FRMD4A: variants seen among roughly 807,000 people sequenced by gnomAD.
The protein encoded by FRMD4A is FERM domain containing 4A, also known as FERM domain-containing protein 4A.
In FRMD4A, 29 loss-of-function variants were observed where a neutral mutation model predicts 129.1. The ratio of observed to expected loss-of-function variants is 0.22; its 90% CI spans 0.17 to 0.31. The LOEUF is 0.31. FRMD4A is among the 10% of genes least tolerant of loss of function. The pLI is 1.00. For synonymous variants in FRMD4A, 634 were observed against 571.6 expected, an observed-to-expected ratio of 1.11 and a Z score of -1.56; for missense variants, 1,272 against 1,375.8, an observed-to-expected ratio of 0.92 and a Z score of 1.19.
intron 2 of FRMD4A, among the ~76,000 whole-genome samples, chr10:13,950,625 T>C (rs1006923852): frequency 6.6e-6 from 1 of 152,164 alleles, no homozygotes; most frequent in Admixed American, 6.6e-5. Context: ...CCTCTCTCTC[T>C]TCCACCCTCC....
intron 6 of FRMD4A, among the ~76,000 whole-genome samples, chr10:13,769,958 G>A (rs759261869): frequency 2.6e-5 from 4 of 152,128 alleles, no homozygotes; most frequent in Non-Finnish European, 5.9e-5. Flanking sequence ...CTTGCAGACA[G>A]CAGACTGTGG....
chr10:13,674,148 A>G (rs1264715718), intron 16 of FRMD4A, among the ~76,000 whole-genome samples: 1 of 152,208 alleles, frequency 6.6e-6, no homozygotes, highest in African/African-American at 2.4e-5. Context: ...ACAGGGTCTA[A>G]AGGTGACTAT....
intron 2 of FRMD4A, among the ~76,000 whole-genome samples, chr10:14,035,373 T>C (rs1189300949): frequency 6.6e-6 from 1 of 150,442 alleles, no homozygotes; most frequent in East Asian, 2.0e-4. Context: ...GATCACGCCA[T>C]TACACTCCAG....
intron 2 of FRMD4A, among the ~76,000 whole-genome samples, chr10:14,305,641 C>A (rs529144556): frequency 6.6e-6 from 1 of 152,024 alleles, no homozygotes; most frequent in Admixed American, 6.6e-5. Context: ...GAGAGTGAGA[C>A]TCTATAAAAA....
At chr10:14,203,433 A>T (rs138159004) in intron 2 of FRMD4A, among the ~76,000 whole-genome samples, 3 of 152,232 alleles carry the variant, frequency 2.0e-5, no homozygotes, top group African/African-American at 7.2e-5. Flanking sequence ...TCCAATGAAC[A>T]TTTGACTGAA....
chr10:14,128,895 C>A (rs981598699), intron 2 of FRMD4A, among the ~76,000 whole-genome samples: 1 of 152,106 alleles, frequency 6.6e-6, no homozygotes, highest in Non-Finnish European at 1.5e-5. Context: ...AAGTAAAGAA[C>A]CTGAAAAAAT....
intron 22 of FRMD4A, chr10:13,654,811 G>C: frequency 4.3e-6 from 2 of 460,484 alleles, no homozygotes; most frequent in Non-Finnish European, 7.6e-6. Flanking sequence ...GCCACCAGGA[G>C]GTAGGCATAG....
At chr10:14,032,696 G>T (rs1034484091) in intron 2 of FRMD4A, among the ~76,000 whole-genome samples, 3 of 152,190 alleles carry the variant, frequency 2.0e-5, no homozygotes, top group African/African-American at 7.2e-5. Flanking sequence ...GGTGTTCTGT[G>T]CCGTGTCCAC....
At chr10:13,970,022 C>A (rs1475922219) in intron 2 of FRMD4A, among the ~76,000 whole-genome samples, 1 of 152,160 alleles carries the variant, frequency 6.6e-6, no homozygotes, top group Non-Finnish European at 1.5e-5. Context: ...AGAAAAGCTT[C>A]AAATGGACAA....
chr10:13,747,416 A>C (rs1456762467), intron 9 of FRMD4A, among the ~76,000 whole-genome samples: 2 of 151,742 alleles, frequency 1.3e-5, no homozygotes, highest in Non-Finnish European at 2.9e-5. Flanking sequence ...GCGTGCCTGT[A>C]ATCCCAGCTA....
rs1014238680 is a variant in FRMD4A, at chr10:13,666,251, G to T, written c.1449C>A (p.Ala483=). 1 of 1,614,012 alleles carries T rather than the reference G, an allele frequency of 6.2e-7. No homozygotes were observed. The highest frequency in any genetic ancestry group is 1.3e-5 in the African/African-American group (1 of 74,916). Residue 483 remains alanine, a synonymous_variant, in exon 18 of 25, where the codon GCC becomes GCA. Transcript: ENST00000357447. The stretch of plus-strand genomic sequence containing the variant: ...GTTTTTTGCTGACGTTGGGGTCACT[G>T]GCTAGGCGGCGGGCGGCCTCCGTAA... ...SQITEAARRL[A]SDPNVSKKLK...
chr10:13,696,700 C>T (rs1044688636), intron 14 of FRMD4A, among the ~76,000 whole-genome samples: 5 of 151,992 alleles, frequency 3.3e-5, no homozygotes, highest in Admixed American at 2.0e-4. Context: ...GCTGAGATCA[C>T]GCCACTGCCT....
rs200763410 is a variant in FRMD4A, at chr10:13,693,935, C to T, written c.1080G>A (p.Lys360=). The change falls in exon 15 of 25, where the codon AAG becomes AAA. Residue 360 remains lysine (K), a synonymous_variant. Transcript: ENST00000357447. ...GGCTGCCGCTGCTGCCGCTGATGAT[C>T]TTCCCCTTGCTACCCATGTTGGCCA... ...SKLANMGSKG[K]IISGSSGSLL... is the part of the protein sequence containing the mutation. 1.0e-5 allele frequency: 16 copies of T among 1,606,412 alleles called. No individual in the cohort carries two copies. Among genetic ancestry groups the T allele is most frequent in the Non-Finnish European group, 1.4e-5 (16 of 1,177,444 alleles).
At position 13,928,016 on chromosome 10, in the gene FRMD4A, CTTTT is replaced by C. The variant is rs139350063; in HGVS notation, c.46-69108_46-69105del. 6.0e-3 allele frequency among the ~76,000 whole-genome samples: 681 copies of C among 112,992 alleles called. 2 individuals are homozygous for C. The highest frequency in any genetic ancestry group is 0.019 in the Middle Eastern group (4 of 216). 74.1% of individuals were successfully genotyped at this position (112,992 alleles called of 152,430 possible). On this transcript the variant is annotated intron_variant, in intron 2 of 24. Transcript: ENST00000357447. The stretch of plus-strand genomic sequence containing the variant: ...AAAAGGATAGTTATACTTAACATAC[CTTTT>C]TTTTTTTTTTTTTTTTCTGAGACAG...
rs77921771 is a variant in FRMD4A at position 13,702,019 on chromosome 10, A to G, written c.837-541T>C. On this transcript the variant is annotated intron_variant, in intron 13 of 24. Transcript: ENST00000357447. The stretch of plus-strand genomic sequence containing the variant: ...AGGGAGGGTATAAAGAATCAGGAGA[A>G]GAAAGGCAGAGAGAAATGTGCCCAG... 6.8e-3 allele frequency among the ~76,000 whole-genome samples: 1,034 copies of G among 152,324 alleles called. 13 individuals carry two copies. The highest frequency in any genetic ancestry group is 0.024 in the African/African-American group (989 of 41,560).
chr10:14,131,903 C>G (rs1839278871), intron 2 of FRMD4A, among the ~76,000 whole-genome samples: 1 of 152,152 alleles, frequency 6.6e-6, no homozygotes. Flanking sequence ...GCACCTCCAT[C>G]GCCCTGACCG....
intron 2 of FRMD4A, among the ~76,000 whole-genome samples, chr10:14,108,735 T>C (rs1837715215): frequency 6.6e-6 from 1 of 152,188 alleles, no homozygotes; most frequent in Admixed American, 6.5e-5. Context: ...ATCAATGATA[T>C]GCCCCTCATA....
chr10:13,658,151 AAAAAAAG>A (rs1390952607), intron 21 of FRMD4A, among the ~76,000 whole-genome samples: 1 of 150,926 alleles, frequency 6.6e-6, no homozygotes, highest in East Asian at 1.9e-4. Flanking sequence ...AAAAAAAAAA[AAAAAAAG>A]AAAACACAAA....
chr10:14,000,667 A>AAAAAAAAAAAAAAAAAAAAAAAAAAAAAG (rs200369296), intron 2 of FRMD4A, among the ~76,000 whole-genome samples: 1 of 106,826 alleles, frequency 9.4e-6, no homozygotes. Context: ...AAAAAAAAAA[A>AAAAAAAAAAAAAAAAAAAAAAAAAAAAAG]AGAGAAGAAA....
Sources: allele counts gnomAD v4.1 joint callset (sites outside exome capture counted in the v4.1 genomes callset), GRCh38; gene constraint gnomAD v4.1.1; transcripts MANE v1.5; gene names NCBI Gene and HGNC (gene_info 2026-07-23, HGNC 2026-07-21).